Variants in ZZZ3 observed in about 807,000 individuals in gnomAD.
ZZZ3 encodes the protein ZZ-type zinc finger-containing protein 3.
Under a neutral mutation model 95.2 loss-of-function variants are expected in ZZZ3, and 22 were observed. That is an observed-to-expected ratio of 0.23 (90% CI 0.17 to 0.33). The LOEUF (loss-of-function observed/expected upper bound fraction) is 0.33, where lower values mean the gene tolerates loss of function less well. ZZZ3 is among the 10% of genes least tolerant of loss of function. The pLI is 1.00. For missense variants in ZZZ3, 885 were observed against 1,066.5 expected (o/e 0.83, Z 2.37); for synonymous variants, 335 against 358.9 (o/e 0.93, Z 0.75).
At position 77,631,967 on chromosome 1, in the gene ZZZ3, A is replaced by G. The variant is rs777330321; in HGVS notation, c.1388T>C (p.Ile463Thr). 13 of 1,613,990 alleles carry G rather than the reference A, an allele frequency of 8.1e-6. No individual in the cohort carries two copies. Among genetic ancestry groups the G allele is most frequent in the African/African-American group, 2.7e-5 (2 of 74,908 alleles). The change falls in exon 5 of 15, where the codon ATT (isoleucine) becomes ACT (threonine). Residue 463 changes from isoleucine to threonine, a missense_variant. Around this residue, in one of 5 missense-constraint regions of ZZZ3, gnomAD observed 556 missense variants for 652.9 expected, o/e 0.85. Coordinates refer to ENST00000370801, the MANE Select transcript of ZZZ3 (RefSeq NM_015534.6). Reference sequence around the variant, plus strand: ...CTCTTTGGCAGATGGCAAATGTCCAATATTGAGTCTTGCCTCTGAGGGTGG... The same window carrying G: ...CTCTTTGGCAGATGGCAAATGTCCAGTATTGAGTCTTGCCTCTGAGGGTGG... ...SKPPSEARLN[I>T]GHLPSAKESA...
chr1:77,675,471 GA>G (rs1672169940), intron 1 of ZZZ3, among the ~76,000 whole-genome samples: 1 of 151,938 alleles, frequency 6.6e-6, no homozygotes. Flanking sequence ...ATTCCAGTAG[GA>G]AAAAAAGGTG....
At chr1:77,598,177 T>C (rs927453191) in intron 5 of ZZZ3, among the ~76,000 whole-genome samples, 2 of 152,132 alleles carry the variant, frequency 1.3e-5, no homozygotes, top group African/African-American at 4.8e-5. Flanking sequence ...CCTTACCATA[T>C]AACATAAACA....
chr1:77,673,940 A>G (rs188112869), intron 1 of ZZZ3, among the ~76,000 whole-genome samples: 3 of 152,160 alleles, frequency 2.0e-5, no homozygotes, highest in African/African-American at 7.2e-5. Flanking sequence ...ACCAAGTCAT[A>G]AAAGTCCAAA....
intron 1 of ZZZ3, among the ~76,000 whole-genome samples, chr1:77,659,695 A>G (rs1392797585): frequency 1.3e-5 from 2 of 151,824 alleles, no homozygotes; most frequent in South Asian, 2.1e-4. Context: ...CAAAAAAAAA[A>G]AAAAAGAAAA....
chr1:77,618,350 T>C (rs1010915924), intron 5 of ZZZ3, among the ~76,000 whole-genome samples: 1 of 148,544 alleles, frequency 6.7e-6, no homozygotes, highest in African/African-American at 2.5e-5. Flanking sequence ...AAGAACCAGG[T>C]TCTCTTTAGA....
At chr1:77,683,188 ACCC>A (rs1672971271), upstream of ZZZ3, 1 of 43,340 alleles carries the variant, frequency 2.3e-5, no homozygotes, top group South Asian at 6.5e-4. Context: ...ATCGTTTCCC[ACCC>A]CCATTCCCTC....
intron 3 of ZZZ3, chr1:77,640,883 G>A (rs1320774250): frequency 2.0e-5 from 3 of 152,186 alleles, no homozygotes; most frequent in African/African-American, 7.2e-5. Context: ...AGAGAATAGG[G>A]ATAGTAATAT....
At chr1:77,666,428 G>C (rs1356313517) in intron 1 of ZZZ3, among the ~76,000 whole-genome samples, 1 of 152,124 alleles carries the variant, frequency 6.6e-6, no homozygotes, top group Non-Finnish European at 1.5e-5. Context: ...AGCTACTTGG[G>C]AAGCAGAGGT....
At chr1:77,663,903 C>T (rs1290879226) in intron 1 of ZZZ3, among the ~76,000 whole-genome samples, 1 of 152,038 alleles carries the variant, frequency 6.6e-6, no homozygotes, top group East Asian at 1.9e-4. Context: ...GTGCGTGCCA[C>T]CACGCCTGGC....
At chr1:77,626,784 A>G (rs759332535) in intron 5 of ZZZ3, among the ~76,000 whole-genome samples, 10 of 152,194 alleles carry the variant, frequency 6.6e-5, no homozygotes, top group Non-Finnish European at 2.9e-5. Flanking sequence ...TTTGACTTTA[A>G]TATACCTACC....
intron 5 of ZZZ3, among the ~76,000 whole-genome samples, chr1:77,617,054 T>C (rs1666387920): frequency 6.6e-6 from 1 of 152,168 alleles, no homozygotes; most frequent in Admixed American, 6.5e-5. Flanking sequence ...TAGTATTTTC[T>C]TCTATCTCCC....
Position 77,612,965 on chromosome 1 carries a change from T to C in ZZZ3, c.1505+18885A>G, listed in dbSNP as rs1191895409. Reference sequence around the variant, plus strand: ...GCTCTTGTCACCAAAAATGTAGCTATATGAGATGATAGATATGTTAATGTG... The same window carrying C: ...GCTCTTGTCACCAAAAATGTAGCTACATGAGATGATAGATATGTTAATGTG... On this transcript the variant is annotated intron_variant, in intron 5 of 14. Transcript: ENST00000370801. Among the ~76,000 whole-genome samples, 4 of 152,160 alleles carry C rather than the reference T, an allele frequency of 2.6e-5. No individual in the cohort carries two copies. The East Asian group carries it at 5.8e-4, about 22-fold the overall frequency.
At chr1:77,576,766 AAACAAAAAAAC>A (rs199533336) in intron 11 of ZZZ3, among the ~76,000 whole-genome samples, 90,355 of 149,740 alleles carry the variant, frequency 0.6, 29,276 homozygotes, top group Non-Finnish European at 0.73. Context: ...CTAAAAAAAA[AAACAAAAAAAC>A]AACAAAAAAA....
chr1:77,649,965 A>G (rs1049595746), intron 1 of ZZZ3, among the ~76,000 whole-genome samples: 5 of 152,206 alleles, frequency 3.3e-5, no homozygotes, highest in Non-Finnish European at 5.9e-5. Context: ...TATAACATAA[A>G]TGGGAGTAAA....
intron 5 of ZZZ3, among the ~76,000 whole-genome samples, chr1:77,606,876 G>C (rs1665288623): frequency 6.6e-6 from 1 of 152,182 alleles, no homozygotes; most frequent in Non-Finnish European, 1.5e-5. Context: ...AGCCCAGACT[G>C]AGAAGACTAA....
chr1:77,645,148 G>T (rs1281330784), intron 1 of ZZZ3, among the ~76,000 whole-genome samples: 1 of 152,122 alleles, frequency 6.6e-6, no homozygotes, highest in African/African-American at 2.4e-5. Flanking sequence ...AAGAGGCCTG[G>T]AGTTCAAGGC....
chr1:77,653,480 G>A (rs1213128035), intron 1 of ZZZ3, among the ~76,000 whole-genome samples: 5 of 152,102 alleles, frequency 3.3e-5, no homozygotes, highest in Non-Finnish European at 5.9e-5. Context: ...TCGGCCAGGC[G>A]CGATGGCTCA....
At chr1:77,572,976 C>T (rs936359088) in intron 12 of ZZZ3, among the ~76,000 whole-genome samples, 10 of 152,008 alleles carry the variant, frequency 6.6e-5, no homozygotes, top group African/African-American at 2.4e-4. Flanking sequence ...ACTCCACCAC[C>T]ACTCTTCATC....
chr1:77,631,468 T>A (rs1667808053), intron 5 of ZZZ3, among the ~76,000 whole-genome samples: 1 of 152,212 alleles, frequency 6.6e-6, no homozygotes. Context: ...CTGGATGATG[T>A]CTAAGCACTC....
Sources: gnomAD v4.1 joint callset for allele counts (sites outside exome capture counted in the v4.1 genomes callset) on GRCh38, gnomAD v4.1.1 for gene constraint, gnomAD v4.1.1 regional missense constraint, MANE v1.5 for transcripts, NCBI Gene and HGNC (gene_info 2026-07-23, HGNC 2026-07-21) for gene names.